The following PRKCH variants were observed in gnomAD, a reference collection of about 807,000 sequenced individuals.
The protein encoded by PRKCH is protein kinase C eta, also known as protein kinase C eta type.
In PRKCH, 28 loss-of-function variants were observed where a neutral mutation model predicts 82.5. The ratio of observed to expected loss-of-function variants is 0.34; its 90% CI spans 0.25 to 0.47. The LOEUF is 0.47. PRKCH is among the 20% of genes least tolerant of loss of function. The probability of loss-of-function intolerance (pLI) is 1.00; values close to 1 mark genes in which losing one functional copy is unlikely to be tolerated. For missense variants in PRKCH, 705 were observed against 881.8 expected (o/e 0.80, Z 2.54); for synonymous variants, 322 against 327.4 (o/e 0.98, Z 0.18).
At chr14:61,533,268 A>C (rs1265705826) in intron 12 of PRKCH, among the ~76,000 whole-genome samples, 1 of 151,620 alleles carries the variant, frequency 6.6e-6, no homozygotes. Flanking sequence ...TCTTAAAAAC[A>C]CTTAAATGTT....
intron 13 of PRKCH, among the ~76,000 whole-genome samples, chr14:61,548,701 A>C (rs1396995968): frequency 7.5e-6 from 1 of 134,204 alleles, no homozygotes; most frequent in African/African-American, 3.4e-5. Flanking sequence ...CTCTACTAAA[A>C]ATACAAAAAA....
At chr14:61,396,764 G>C (rs112067407) in intron 2 of PRKCH, among the ~76,000 whole-genome samples, 6 of 152,142 alleles carry the variant, frequency 3.9e-5, no homozygotes, top group African/African-American at 7.2e-5. Context: ...CTAAAGGTAG[G>C]GGGTGTGGAG....
At chr14:61,535,825 G>A (rs2140016401) in intron 12 of PRKCH, among the ~76,000 whole-genome samples, 1 of 152,314 alleles carries the variant, frequency 6.6e-6, no homozygotes, top group South Asian at 2.1e-4. Context: ...TCCAGGAGTT[G>A]TGGGGAGAAA....
At chr14:61,210,879 T>C (rs954445195) in intron 1 of PRKCH, among the ~76,000 whole-genome samples, 2 of 151,958 alleles carry the variant, frequency 1.3e-5, no homozygotes, top group African/African-American at 4.8e-5. Context: ...ATGAATGATA[T>C]GGAAGGAGGC....
intron 2 of PRKCH, among the ~76,000 whole-genome samples, chr14:61,431,497 C>G (rs1445815047): frequency 6.6e-6 from 1 of 152,196 alleles, no homozygotes; most frequent in Non-Finnish European, 1.5e-5. Context: ...CTACCTTATC[C>G]TCTCTGGCCA....
chr14:61,376,871 C>A (rs1369578673), intron 1 of PRKCH, among the ~76,000 whole-genome samples: 1 of 152,230 alleles, frequency 6.6e-6, no homozygotes, highest in Non-Finnish European at 1.5e-5. Flanking sequence ...AAATGAGATA[C>A]AATTTAATTA....
chr14:61,478,445 T>C (rs1185182492), intron 9 of PRKCH, among the ~76,000 whole-genome samples: 1 of 152,122 alleles, frequency 6.6e-6, no homozygotes, highest in East Asian at 1.9e-4. Context: ...CTTCTATTGA[T>C]TGAGATTCTT....
chr14:61,297,435 TC>T (rs1487708038), intron 1 of PRKCH, among the ~76,000 whole-genome samples: 1 of 152,186 alleles, frequency 6.6e-6, no homozygotes, highest in Non-Finnish European at 1.5e-5. Context: ...CACCTCCACT[TC>T]AGAGCATTAT....
chr14:61,315,169 A>G (rs994779530), intron 1 of PRKCH, among the ~76,000 whole-genome samples: 2 of 152,178 alleles, frequency 1.3e-5, no homozygotes, highest in African/African-American at 2.4e-5. Flanking sequence ...AGAAATGGAT[A>G]TAGACAGGCA....
intron 9 of PRKCH, among the ~76,000 whole-genome samples, chr14:61,474,292 A>G (rs1885632328): frequency 6.6e-6 from 1 of 152,204 alleles, no homozygotes; most frequent in African/African-American, 2.4e-5. Flanking sequence ...TTGCCTTCAA[A>G]GTTAACACAA....
intron 1 of PRKCH, chr14:61,303,058 G>A (rs1336392484): frequency 7.4e-6 from 1 of 135,470 alleles, no homozygotes; most frequent in African/African-American, 2.6e-5. Context: ...TGTCATCCAG[G>A]CTGGAGTGCA....
chr14:61,350,576 TC>T (rs1421099041), intron 1 of PRKCH, among the ~76,000 whole-genome samples: 2 of 152,140 alleles, frequency 1.3e-5, no homozygotes, highest in Admixed American at 1.3e-4. Context: ...TCTTCTCACC[TC>T]TTCACCAGCA....
At chr14:61,454,823 A>G (rs17098385) in intron 7 of PRKCH, among the ~76,000 whole-genome samples, 2,746 of 152,226 alleles carry the variant, frequency 0.018, 70 homozygotes, top group African/African-American at 0.063. Flanking sequence ...GCGTCTAGAG[A>G]TGGGAAATAG....
At chr14:61,490,606 C>T (rs908725658) in intron 10 of PRKCH, among the ~76,000 whole-genome samples, 6 of 152,112 alleles carry the variant, frequency 3.9e-5, no homozygotes, top group Non-Finnish European at 5.9e-5. Context: ...ACAAGTGATC[C>T]GTTTCCAAAT....
At chr14:61,345,263 C>A (rs1362700683) in intron 1 of PRKCH, among the ~76,000 whole-genome samples, 1 of 152,140 alleles carries the variant, frequency 6.6e-6, no homozygotes, top group Non-Finnish European at 1.5e-5. Context: ...GTTGTGAAGT[C>A]TTTTGTCAGC....
chr14:61,440,427 A>G (rs1032602213), intron 2 of PRKCH, among the ~76,000 whole-genome samples: 1 of 152,180 alleles, frequency 6.6e-6, no homozygotes, highest in Admixed American at 6.5e-5. Context: ...CCAAACAAAA[A>G]CTGAGGCAGG....
At chr14:61,304,316 T>TA (rs1383382732) in intron 1 of PRKCH, 1 of 152,154 alleles carries the variant, frequency 6.6e-6, no homozygotes, top group Non-Finnish European at 1.5e-5. Flanking sequence ...TAGTCTGTTT[T>TA]AAAAAAATGA....
intron 12 of PRKCH, among the ~76,000 whole-genome samples, chr14:61,538,176 C>T (rs983517234): frequency 1.3e-5 from 2 of 152,216 alleles, no homozygotes; most frequent in African/African-American, 4.8e-5. Context: ...GTTTTTCAAA[C>T]ACTGTTAGGG....
rs759481221 is a variant in PRKCH, at chr14:61,529,058, C to T, written c.1434-17C>T. The T allele has an allele frequency of 1.3e-6, 2 of 1,594,024 alleles. No individual in the cohort carries two copies. The highest frequency in any genetic ancestry group is 1.4e-5 in the African/African-American group (1 of 73,456). On this transcript the variant is annotated splice_polypyrimidine_tract_variant and intron_variant, in intron 10 of 13. Transcript: ENST00000332981. The stretch of plus-strand genomic sequence containing the variant: ...GGTCTGGCTGCCCTATCTCGTGCTG[C>T]TCTTTGTATCTTTCAGAGATCTGAA...
Sources: allele counts gnomAD v4.1 joint callset (sites outside exome capture counted in the v4.1 genomes callset), GRCh38; gene constraint gnomAD v4.1.1; transcripts MANE v1.5; gene names NCBI Gene and HGNC (gene_info 2026-07-23, HGNC 2026-07-21).